DLG2: variants seen among roughly 807,000 people sequenced by gnomAD.
The protein encoded by DLG2 is disks large homolog 2.
A neutral mutation model predicts 132.5 loss-of-function variants in DLG2; 45 were observed. The ratio of observed to expected loss-of-function variants is 0.34; its 90% CI spans 0.27 to 0.44. DLG2 has a LOEUF of 0.44. Among genes scored for constraint, DLG2 ranks in the 20% least tolerant of loss-of-function variants. The pLI is 1.00. For synonymous variants in DLG2, 424 were observed against 419.6 expected, an observed-to-expected ratio of 1.01 and a Z score of -0.13; for missense variants, 1,045 against 1,196.9, an observed-to-expected ratio of 0.87 and a Z score of 1.87.
chr11:83,598,153 A>G (rs1471841181), intron 19 of DLG2, among the ~76,000 whole-genome samples: 1 of 152,236 alleles, frequency 6.6e-6, no homozygotes, highest in Admixed American at 6.5e-5. Context: ...CATGGGCAAG[A>G]TGGCACAGGT....
Position 85,021,226 on chromosome 11 carries a change from G to A in DLG2, c.357+90435C>T, listed in dbSNP as rs1018888999. On this transcript the variant is annotated intron_variant, in intron 6 of 27. Transcript: ENST00000376104. ...TCCTGATACACACTGACGTTTCGAG[G>A]GCACTACAGCCCGAGCAATAGGAGG... is the stretch of plus-strand genomic sequence containing the variant. The A allele has an allele frequency of 1.6e-5, 20 of 1,266,748 alleles. No homozygotes were observed. In the Middle Eastern group the frequency reaches 2.1e-3, roughly 131 times the overall value. The allele number at this position is 1,266,748 out of a possible 1,614,324, so 78.5% of individuals were successfully genotyped here.
intron 8 of DLG2, among the ~76,000 whole-genome samples, chr11:84,235,331 C>G (rs577167138): frequency 1.3e-5 from 2 of 152,124 alleles, no homozygotes; most frequent in Admixed American, 1.3e-4. Flanking sequence ...TATCGAGGGC[C>G]GTAGGTTTCA....
chr11:85,626,831 C>T (rs1046129960), intron 1 of DLG2, 78 bp from the exon 2 acceptor site: 16 of 152,126 alleles, frequency 1.1e-4, no homozygotes, highest in African/African-American at 3.6e-4. Flanking sequence ...TTTACAGCAA[C>T]GTAATTTTTT....
At chr11:84,799,378 A>G (rs1304914525) in intron 6 of DLG2, among the ~76,000 whole-genome samples, 2 of 152,044 alleles carry the variant, frequency 1.3e-5, no homozygotes, top group Admixed American at 1.3e-4. Flanking sequence ...CTCTCTTGGC[A>G]CCATGCAGCT....
intron 5 of DLG2, among the ~76,000 whole-genome samples, chr11:85,129,234 G>C (rs1262314257): frequency 6.6e-6 from 1 of 152,130 alleles, no homozygotes; most frequent in Non-Finnish European, 1.5e-5. Flanking sequence ...GACAAGACTT[G>C]GGATCCATGT....
intron 7 of DLG2, among the ~76,000 whole-genome samples, chr11:84,530,632 T>C (rs936545743): frequency 1.1e-4 from 16 of 152,192 alleles, no homozygotes; most frequent in Non-Finnish European, 1.6e-4. Flanking sequence ...TAACAGATGT[T>C]GGTGAGGTTG....
chr11:83,668,919 G>T (rs1032414412), intron 18 of DLG2, among the ~76,000 whole-genome samples: 1 of 147,174 alleles, frequency 6.8e-6, no homozygotes, highest in African/African-American at 2.5e-5. Flanking sequence ...ACAGTTATTC[G>T]CTCAGCACCA....
intron 6 of DLG2, among the ~76,000 whole-genome samples, chr11:84,651,126 T>C (rs112424024): frequency 6.6e-6 from 1 of 151,982 alleles, no homozygotes; most frequent in African/African-American, 2.4e-5. Context: ...TTCATTTTCA[T>C]GATACCGTTA....
chr11:85,155,333 C>G (rs146274550), intron 4 of DLG2, among the ~76,000 whole-genome samples: 25 of 152,120 alleles, frequency 1.6e-4, no homozygotes, highest in Admixed American at 1.6e-3. Flanking sequence ...CTCTGCCCTA[C>G]GATTCTTTTG....
chr11:83,696,048 A>C (rs1429906433), intron 18 of DLG2, among the ~76,000 whole-genome samples: 2 of 152,180 alleles, frequency 1.3e-5, no homozygotes, highest in African/African-American at 4.8e-5. Context: ...GTAAGACTTT[A>C]AACAGCAGAG....
intron 6 of DLG2, among the ~76,000 whole-genome samples, chr11:84,538,432 G>A (rs1438581657): frequency 6.6e-6 from 1 of 152,116 alleles, no homozygotes. Flanking sequence ...TCCTCTCTTG[G>A]ATGTCCACAG....
At chr11:84,676,462 A>G (rs1204501119) in intron 6 of DLG2, among the ~76,000 whole-genome samples, 1 of 152,084 alleles carries the variant, frequency 6.6e-6, no homozygotes, top group Non-Finnish European at 1.5e-5. Context: ...ATCATATGGC[A>G]CAGCTATGAT....
chr11:84,758,870 A>G (rs1477561412), intron 6 of DLG2, among the ~76,000 whole-genome samples: 1 of 152,056 alleles, frequency 6.6e-6, no homozygotes, highest in Non-Finnish European at 1.5e-5. Context: ...TAATTTATTA[A>G]TTCTTTCTGT....
chr11:85,120,666 T>C (rs1256303599), intron 5 of DLG2, among the ~76,000 whole-genome samples: 2 of 152,040 alleles, frequency 1.3e-5, no homozygotes, highest in Non-Finnish European at 2.9e-5. Flanking sequence ...AAGCATGAAG[T>C]ATGCGAGAGG....
chr11:84,463,603 G>A (rs1462993559), intron 7 of DLG2, among the ~76,000 whole-genome samples: 2 of 151,006 alleles, frequency 1.3e-5, no homozygotes, highest in African/African-American at 4.8e-5. Context: ...CCACTATCTG[G>A]GTGCATTGTA....
intron 6 of DLG2, among the ~76,000 whole-genome samples, chr11:84,647,178 C>T (rs1415012161): frequency 6.6e-6 from 1 of 151,982 alleles, no homozygotes; most frequent in African/African-American, 2.4e-5. Flanking sequence ...AGAAAAACTT[C>T]ATATAGGAGG....
chr11:84,264,457 A>G (rs979669176), intron 7 of DLG2, among the ~76,000 whole-genome samples: 5 of 152,218 alleles, frequency 3.3e-5, no homozygotes, highest in Admixed American at 3.3e-4. Flanking sequence ...TGTGTTTAAC[A>G]TAAAGAAGGA....
intron 6 of DLG2, among the ~76,000 whole-genome samples, chr11:84,813,239 G>A (rs2076760554): frequency 6.6e-6 from 1 of 151,908 alleles, no homozygotes; most frequent in South Asian, 2.1e-4. Context: ...CTGGTGTTGA[G>A]CTAAATTTAC....
chr11:84,531,546 G>A (rs915566350), intron 7 of DLG2, among the ~76,000 whole-genome samples: 5 of 152,092 alleles, frequency 3.3e-5, no homozygotes, highest in South Asian at 2.1e-4. Flanking sequence ...ACAACACCTC[G>A]AGAAGGTCAT....
Sources: gnomAD v4.1 joint callset for allele counts (sites outside exome capture counted in the v4.1 genomes callset) on GRCh38, gnomAD v4.1.1 for gene constraint, MANE v1.5 for transcripts, NCBI Gene and HGNC (gene_info 2026-07-23, HGNC 2026-07-21) for gene names.